KCTD16: variants seen among roughly 807,000 people sequenced by gnomAD.
KCTD16 encodes the protein potassium channel tetramerization domain containing 16.
A neutral mutation model predicts 33.2 loss-of-function variants in KCTD16; 13 were observed. The ratio of observed to expected loss-of-function variants is 0.39; its 90% CI spans 0.25 to 0.62. The LOEUF is 0.62. Among genes scored for constraint, KCTD16 ranks in the 20% least tolerant of loss-of-function variants. The pLI, the probability that KCTD16 is intolerant of heterozygous loss-of-function variation, is 0.50. For synonymous variants in KCTD16, 197 were observed against 195.3 expected, an observed-to-expected ratio of 1.01 and a Z score of -0.07; for missense variants, 441 against 525.1, an observed-to-expected ratio of 0.84 and a Z score of 1.57.
At chr5:144,189,364 C>T (rs1021029552) in intron 2 of KCTD16, among the ~76,000 whole-genome samples, 1 of 151,870 alleles carries the variant, frequency 6.6e-6, no homozygotes, top group African/African-American at 2.4e-5. Context: ...GGTGTGGTGG[C>T]GGGCGCCTGT....
chr5:144,209,266 A>G (rs1753290748), intron 3 of KCTD16, among the ~76,000 whole-genome samples: 1 of 152,128 alleles, frequency 6.6e-6, no homozygotes, highest in Non-Finnish European at 1.5e-5. Context: ...ACTGAAATTT[A>G]TTTGTCTACC....
intron 3 of KCTD16, among the ~76,000 whole-genome samples, chr5:144,467,337 TCTAA>T (rs1209692808): frequency 1.3e-5 from 2 of 151,946 alleles, no homozygotes; most frequent in African/African-American, 4.8e-5. Flanking sequence ...ATTCACACAC[TCTAA>T]CTAAACTTTG....
chr5:144,383,558 AG>A (rs1247479609), intron 3 of KCTD16, among the ~76,000 whole-genome samples: 1 of 146,690 alleles, frequency 6.8e-6, no homozygotes, highest in African/African-American at 2.5e-5. Flanking sequence ...AAAAAAAAAA[AG>A]AAACATTCTA....
intron 3 of KCTD16, among the ~76,000 whole-genome samples, chr5:144,421,529 C>A (rs1753209579): frequency 1.3e-5 from 2 of 152,082 alleles, no homozygotes; most frequent in Non-Finnish European, 2.9e-5. Context: ...CCATCTGGTT[C>A]CTTGGACTCA....
At chr5:144,204,487 T>C (rs1324767943) in intron 2 of KCTD16, among the ~76,000 whole-genome samples, 1 of 152,188 alleles carries the variant, frequency 6.6e-6, no homozygotes, top group South Asian at 2.1e-4. Context: ...AATGATGCAC[T>C]TAAGGGAGCC....
chr5:144,398,644 TA>T (rs1370050227), intron 3 of KCTD16, among the ~76,000 whole-genome samples: 1 of 152,008 alleles, frequency 6.6e-6, no homozygotes, highest in Non-Finnish European at 1.5e-5. Context: ...CTTCCTTCTA[TA>T]AAAAAGAGTA....
chr5:144,340,943 G>A (rs982449753), intron 3 of KCTD16, among the ~76,000 whole-genome samples: 6 of 152,068 alleles, frequency 3.9e-5, no homozygotes, highest in Non-Finnish European at 5.9e-5. Context: ...CCAGCTACTA[G>A]GTGAGGCAGG....
rs780559634 is a variant in KCTD16 at position 144,484,106 on chromosome 5, C to T, written c.*9992C>T. On this transcript the variant is annotated 3_prime_UTR_variant, in exon 4 of 4. Transcript: ENST00000512467. ...AGAAAGTTGAATCAGGAAAATTTGT[C>T]TTAAAATATACTGCTTAGTTTAGAG... 6.6e-6 allele frequency: 1 copy of T among 151,720 alleles called. No individual in the cohort carries two copies. Among genetic ancestry groups the T allele is most frequent in the Non-Finnish European group, 1.5e-5 (1 of 67,856 alleles). 9.4% of individuals were successfully genotyped at this position (151,720 alleles called of 1,614,324 possible). A position where few individuals can be genotyped will look rare whatever the true frequency, so the allele number is the denominator to read the frequency against.
chr5:144,341,867 A>G (rs1752654921), intron 3 of KCTD16, among the ~76,000 whole-genome samples: 1 of 152,178 alleles, frequency 6.6e-6, no homozygotes, highest in Non-Finnish European at 1.5e-5. Flanking sequence ...GTTCTTTGTC[A>G]CTCATTAATA....
In KCTD16 at chr5:144,284,130, T is replaced by A. The variant is rs1755678172; in HGVS notation, c.832+76584T>A. Among the ~76,000 whole-genome samples, 3 of 152,200 alleles carry A rather than the reference T, an allele frequency of 2.0e-5. No homozygotes were observed. In the South Asian group the frequency reaches 6.2e-4, roughly 31 times the overall value. Reference sequence around the variant, plus strand: ...TAGAACAACTTTAGCAAATAGAATATCTTTCTGAAAATTGTAATTGAATTT... The same window carrying A: ...TAGAACAACTTTAGCAAATAGAATAACTTTCTGAAAATTGTAATTGAATTT... On this transcript the variant is annotated intron_variant, in intron 3 of 3. Coordinates refer to ENST00000512467, the MANE Select transcript of KCTD16 (RefSeq NM_020768.4).
At chr5:144,452,592 G>T (rs895088548) in intron 3 of KCTD16, among the ~76,000 whole-genome samples, 36 of 151,836 alleles carry the variant, frequency 2.4e-4, no homozygotes, top group African/African-American at 7.7e-4. Context: ...AAAGAGCATT[G>T]CTAGATAAAA....
chr5:144,363,213 G>A (rs1751755517), intron 3 of KCTD16, among the ~76,000 whole-genome samples: 1 of 152,054 alleles, frequency 6.6e-6, no homozygotes, highest in Admixed American at 6.5e-5. Context: ...ATGGTGGCAG[G>A]CACCTGTAAT....
chr5:144,412,921 A>T (rs1752964565), intron 3 of KCTD16, among the ~76,000 whole-genome samples: 2 of 152,196 alleles, frequency 1.3e-5, no homozygotes, highest in Admixed American at 6.5e-5. Context: ...CTAATGTTTG[A>T]TCTATCAGTA....
At chr5:144,406,268 G>T (rs1407233243) in intron 3 of KCTD16, among the ~76,000 whole-genome samples, 1 of 152,102 alleles carries the variant, frequency 6.6e-6, no homozygotes, top group African/African-American at 2.4e-5. Context: ...GAGCGGCAAT[G>T]ATTTATGTTT....
In KCTD16 at chr5:144,210,180, C is replaced by A. The variant is rs565075207; in HGVS notation, c.832+2634C>A. ...CTATCAACCATGAATAAGTTAGATT[C>A]TTACCTCATTTAAATTTTCATGTGG... On this transcript the variant is annotated intron_variant, in intron 3 of 3. Transcript: ENST00000512467. Among the ~76,000 whole-genome samples, 4 of 151,996 alleles carry A rather than the reference C, an allele frequency of 2.6e-5. No homozygotes were observed. The South Asian group carries it at 8.3e-4, about 31-fold the overall frequency.
At chr5:144,227,150 T>C (rs1753958668) in intron 3 of KCTD16, among the ~76,000 whole-genome samples, 1 of 152,196 alleles carries the variant, frequency 6.6e-6, no homozygotes, top group Admixed American at 6.5e-5. Context: ...ATATAAATTA[T>C]GTCACAAGGA....
At chr5:144,211,877 C>T (rs1387364016) in intron 3 of KCTD16, among the ~76,000 whole-genome samples, 1 of 152,074 alleles carries the variant, frequency 6.6e-6, no homozygotes, top group Non-Finnish European at 1.5e-5. Flanking sequence ...CTCCTCTTTC[C>T]TTCTGTTTGA....
intron 3 of KCTD16, among the ~76,000 whole-genome samples, chr5:144,459,437 C>T (rs1182714289): frequency 3.3e-5 from 5 of 151,816 alleles, no homozygotes; most frequent in African/African-American, 9.7e-5. Flanking sequence ...CTGCAACTTC[C>T]GCCTCCCAGA....
Position 144,299,129 on chromosome 5 carries a change from TATATATATATATATATATA to T in KCTD16, c.832+91584_832+91602del, listed in dbSNP as rs1561558684. Among the ~76,000 whole-genome samples, 46 of 27,966 alleles carry T rather than the reference TATATATATATATATATATA, an allele frequency of 1.6e-3. 1 individual carries two copies. The highest frequency in any genetic ancestry group is 0.015 in the Middle Eastern group (1 of 68). 18.3% of individuals were successfully genotyped at this position (27,966 alleles called of 152,430 possible). On this transcript the variant is annotated intron_variant, in intron 3 of 3. Coordinates refer to ENST00000512467, the MANE Select transcript of KCTD16 (RefSeq NM_020768.4). ...ATATATATATATATATATATATATA[TATATATATATATATATATA>T]TTTTTTTTTTTTTTTTTAACCTGTC...
Sources: gnomAD v4.1 joint callset for allele counts (sites outside exome capture counted in the v4.1 genomes callset) on GRCh38, gnomAD v4.1.1 for gene constraint, MANE v1.5 for transcripts, NCBI Gene and HGNC (gene_info 2026-07-23, HGNC 2026-07-21) for gene names.